The following YLPM1 variants were observed in gnomAD, a reference collection of about 807,000 sequenced individuals.
YLPM1 encodes the protein YLP motif containing 1, also known as YLP motif-containing protein 1.
In YLPM1, 99 loss-of-function variants were observed where a neutral mutation model predicts 230.0. The observed-to-expected ratio is 0.43, with a 90% CI of 0.37 to 0.51. The LOEUF (loss-of-function observed/expected upper bound fraction) is 0.51, where lower values mean the gene tolerates loss of function less well. YLPM1 is among the 20% of genes least tolerant of loss of function. The pLI is 0.00. For synonymous variants in YLPM1, 984 were observed against 942.5 expected (o/e 1.04, Z -0.81); for missense variants, 2,592 against 2,707.7 (o/e 0.96, Z 0.95).
chr14:74,822,007 G>A (rs186826462), intron 17 of YLPM1: 8 of 152,216 alleles, frequency 5.3e-5, no homozygotes, highest in Admixed American at 2.0e-4. Context: ...CATCGAACCC[G>A]TGTGTGATAT....
At chr14:74,801,531 T>C (rs1393466774) in intron 5 of YLPM1, among the ~76,000 whole-genome samples, 2 of 152,236 alleles carry the variant, frequency 1.3e-5, no homozygotes, top group Non-Finnish European at 2.9e-5. Flanking sequence ...TCTTCAGGAA[T>C]ATGAAATGTT....
intron 1 of YLPM1, among the ~76,000 whole-genome samples, chr14:74,773,812 C>T (rs1264475624): frequency 6.7e-6 from 1 of 149,616 alleles, no homozygotes; most frequent in Non-Finnish European, 1.5e-5. Context: ...CCTCCGCCTC[C>T]CAGGTTCAGG....
At chr14:74,790,679 A>G (rs1042655263) in intron 4 of YLPM1, among the ~76,000 whole-genome samples, 2 of 152,114 alleles carry the variant, frequency 1.3e-5, no homozygotes, top group African/African-American at 4.8e-5. Flanking sequence ...TTTTCTTTTT[A>G]TCTTACCAAG....
Position 74,799,417 on chromosome 14 carries a change from C to T in YLPM1, c.4120C>T (p.Arg1374Ter), listed in dbSNP as rs766434155. Reference sequence around the variant, plus strand: ...CCGTGATAGGGGTGAGTTGAGGATTCGAGAGTATCCAGAAAGAGGAGATAC... The same window carrying T: ...CCGTGATAGGGGTGAGTTGAGGATTTGAGAGTATCCAGAAAGAGGAGATAC... ...DFRDRGELRI[R>*]EYPERGDTWR... Residue 1374 changes from arginine (R) to a stop codon, truncating the protein, a stop_gained, in exon 5 of 21, where the codon CGA becomes TGA. Coordinates refer to ENST00000325680, the MANE Select transcript of YLPM1 (RefSeq NM_019589.3). LOFTEE classifies it high-confidence loss of function. 3 of 1,613,804 alleles carry T rather than the reference C, an allele frequency of 1.9e-6. No homozygotes were observed. The highest frequency in any genetic ancestry group is 1.1e-5 in the South Asian group (1 of 91,064).
At chr14:74,792,610 T>G (rs2091217830) in intron 4 of YLPM1, among the ~76,000 whole-genome samples, 1 of 152,266 alleles carries the variant, frequency 6.6e-6, no homozygotes, top group Admixed American at 6.5e-5. Flanking sequence ...ATTATTTAGC[T>G]GTTTCTTTTG....
chr14:74,835,454 G>T lies in YLPM1; in HGVS notation c.*36+7G>T, dbSNP rs199508920. 10 of 1,603,592 alleles carry T rather than the reference G, an allele frequency of 6.2e-6. No homozygotes were observed. The highest frequency in any genetic ancestry group is 1.7e-5 in the Admixed American group (1 of 58,988). ...GAGTCATTATTCCTCTAAGGTAAGA[G>T]TACACAGTCATATAAATAGCCTACT... On this transcript the variant is annotated splice_region_variant and intron_variant, in intron 20 of 20. Transcript: ENST00000325680.
At chr14:74,767,177 C>T (rs762382741) in intron 1 of YLPM1, among the ~76,000 whole-genome samples, 11 of 152,044 alleles carry the variant, frequency 7.2e-5, no homozygotes, top group Admixed American at 2.0e-4. Context: ...CCACCGTGCC[C>T]GGCCAAGACC....
chr14:74,809,741 C>A lies in YLPM1; in HGVS notation c.4883C>A (p.Pro1628Gln), dbSNP rs1361631101. 2 of 1,613,926 alleles carry A rather than the reference C, an allele frequency of 1.2e-6. No homozygotes were observed. Among genetic ancestry groups the A allele is most frequent in the Non-Finnish European group, 1.7e-6 (2 of 1,179,910 alleles). The change falls in exon 7 of 21, where the codon CCA becomes CAA. Residue 1628 changes from proline (P) to glutamine (Q), a missense_variant. Pro to Gln is a moderately conservative substitution (Grantham distance 76). Around this residue, in one of 4 missense-constraint regions of YLPM1, gnomAD observed 403 missense variants for 426.7 expected, o/e 0.94. Transcript: ENST00000325680. ...CCTGGCCCAGTGCCTATGGGTATGC[C>A]ACCAATGTCCAAGCCACCACCAGTA... Reference protein sequence around the residue: ...PPPGPVPMGMPPMSKPPPVQQ... With the variant: ...PPPGPVPMGMQPMSKPPPVQQ...
rs1384442011 is a variant in YLPM1 at position 74,798,595 on chromosome 14, A to G, written c.3298A>G (p.Ser1100Gly). 2 of 1,613,298 alleles carry G rather than the reference A, an allele frequency of 1.2e-6. No individual in the cohort carries two copies. The highest frequency in any genetic ancestry group is 1.7e-6 in the Non-Finnish European group (2 of 1,179,516). Residue 1100 changes from serine (S) to glycine (G), a missense_variant, in exon 5 of 21, where the codon AGC becomes GGC. Ser to Gly is a moderately conservative substitution (Grantham distance 56, BLOSUM62 0). Coordinates refer to ENST00000325680, the MANE Select transcript of YLPM1 (RefSeq NM_019589.3). ...REKVPGGLQG[S>G]QDRGAAGSRE... The stretch of plus-strand genomic sequence containing the variant: ...GAAAGTGCCAGGTGGTCTTCAAGGG[A>G]GCCAGGACAGGGGTGCAGCTGGCAG...
intron 4 of YLPM1, among the ~76,000 whole-genome samples, chr14:74,792,864 A>G (rs1234615453): frequency 6.6e-6 from 1 of 152,156 alleles, no homozygotes; most frequent in Non-Finnish European, 1.5e-5. Context: ...CCTGGAGTGC[A>G]TGCTCAAGTA....
At chr14:74,772,849 A>C (rs1368955620) in intron 1 of YLPM1, among the ~76,000 whole-genome samples, 4 of 152,170 alleles carry the variant, frequency 2.6e-5, no homozygotes, top group Admixed American at 6.5e-5. Context: ...AATAGGGATG[A>C]TCACACTTCT....
chr14:74,826,357 T>C (rs1450719386), intron 18 of YLPM1, among the ~76,000 whole-genome samples: 3 of 152,200 alleles, frequency 2.0e-5, no homozygotes, highest in African/African-American at 7.2e-5. Flanking sequence ...GCCTTCCTTA[T>C]CATAACAAAT....
intron 4 of YLPM1, among the ~76,000 whole-genome samples, chr14:74,787,575 C>CAA (rs1456170793): frequency 7.7e-6 from 1 of 130,306 alleles, no homozygotes. Context: ...GATTCCGTCT[C>CAA]AAAAAAAAAA....
intron 1 of YLPM1, among the ~76,000 whole-genome samples, chr14:74,778,213 T>C (rs1333718888): frequency 1.3e-5 from 2 of 152,170 alleles, no homozygotes; most frequent in Non-Finnish European, 2.9e-5. Flanking sequence ...TACAGAAGCA[T>C]GTTGAATTAA....
intron 1 of YLPM1, among the ~76,000 whole-genome samples, chr14:74,767,818 A>AT (rs747395491): frequency 0.011 from 1,591 of 142,196 alleles, 14 homozygotes; most frequent in Admixed American, 0.025. Context: ...TGTCTTCCAC[A>AT]TTTTTTTTTT....
At chr14:74,783,757 A>C (rs1434514542) in intron 4 of YLPM1, among the ~76,000 whole-genome samples, 1 of 152,238 alleles carries the variant, frequency 6.6e-6, no homozygotes, top group Non-Finnish European at 1.5e-5. Flanking sequence ...AAGTTAAGAG[A>C]AAGGGCAATT....
chr14:74,772,578 C>T (rs1260507500), intron 1 of YLPM1, among the ~76,000 whole-genome samples: 4 of 152,054 alleles, frequency 2.6e-5, no homozygotes, highest in African/African-American at 9.7e-5. Context: ...AGGCTGGTCT[C>T]GAACTCCTCA....
At position 74,829,247 on chromosome 14, in the gene YLPM1, G is replaced by A; in HGVS notation, c.6198G>A (p.Arg2066=). The A allele has an allele frequency of 6.2e-7, 1 of 1,613,226 alleles. No homozygotes were observed. Among genetic ancestry groups the A allele is most frequent in the Non-Finnish European group, 8.5e-7 (1 of 1,179,392 alleles). ...ATGGCTTGAGGACTGGTACTAAAAG[G>A]AAACGTGACTGGGAGGCCATTGCCA... ...KLDGLRTGTK[R]KRDWEAIASR... is the part of the protein sequence containing the mutation. Residue 2066 remains arginine (R), a synonymous_variant, in exon 19 of 21, where the codon AGG becomes AGA. Coordinates refer to ENST00000325680, the MANE Select transcript of YLPM1 (RefSeq NM_019589.3).
intron 1 of YLPM1, among the ~76,000 whole-genome samples, chr14:74,770,597 C>T (rs1407128400): frequency 6.6e-6 from 1 of 151,852 alleles, no homozygotes. Context: ...TGCTCTCTAG[C>T]CTGGGCGACA....
Sources: allele counts gnomAD v4.1 joint callset (sites outside exome capture counted in the v4.1 genomes callset), GRCh38; gene constraint gnomAD v4.1.1; regional missense constraint gnomAD v4.1.1; transcripts MANE v1.5; gene names NCBI Gene and HGNC (gene_info 2026-07-23, HGNC 2026-07-21).